NELL2: variants seen among roughly 807,000 people sequenced by gnomAD.
NELL2 encodes neural EGFL like 2, also known as protein kinase C-binding protein NELL2.
A neutral mutation model predicts 109.6 loss-of-function variants in NELL2; 41 were observed. That is an observed-to-expected ratio of 0.37 (90% confidence interval 0.29 to 0.49). The LOEUF (loss-of-function observed/expected upper bound fraction) is 0.49, where lower values mean the gene tolerates loss of function less well. Among genes scored for constraint, NELL2 ranks in the 20% least tolerant of loss-of-function variants. The pLI, the probability that NELL2 is intolerant of heterozygous loss-of-function variation, is 0.98. For missense variants in NELL2, 900 were observed against 1,008.3 expected, an observed-to-expected ratio of 0.89 and a Z score of 1.45; for synonymous variants, 355 against 344.7, an observed-to-expected ratio of 1.03 and a Z score of -0.33.
At position 44,610,892 on chromosome 12, in the gene NELL2, C is replaced by T; in HGVS notation, c.1523G>A (p.Cys508Tyr). The T allele has an allele frequency of 1.2e-6, 2 of 1,613,216 alleles. No individual in the cohort carries two copies. Among genetic ancestry groups the T allele is most frequent in the Non-Finnish European group, 1.7e-6 (2 of 1,179,404 alleles). ...LCFNTVGGHNCVCKPGYTGNG... is the reference protein window; with the variant it reads ...LCFNTVGGHNYVCKPGYTGNG... The stretch of plus-strand genomic sequence containing the variant: ...CCCTGTATAGCCCGGCTTGCAAACA[C>T]AGTTGTGTCCTCCAACAGTGTTGAA... The change falls in exon 14 of 20, where the codon TGT becomes TAT. Residue 508 changes from cysteine (C) to tyrosine (Y), a missense_variant. By Grantham distance (194) the Cys-to-Tyr change is radical. Around this residue, in one of 4 missense-constraint regions of NELL2, gnomAD observed 333 missense variants for 432.3 expected, o/e 0.77. Coordinates refer to ENST00000429094, the MANE Select transcript of NELL2 (RefSeq NM_001145108.2).
chr12:44,900,315 C>T (rs1393652741), intron 1 of NELL2, among the ~76,000 whole-genome samples: 1 of 152,164 alleles, frequency 6.6e-6, no homozygotes, highest in Non-Finnish European at 1.5e-5. Context: ...ATACATTCTT[C>T]TCAGCACCAC....
intron 12 of NELL2, among the ~76,000 whole-genome samples, chr12:44,699,956 C>T (rs1197791747): frequency 1.3e-5 from 2 of 152,072 alleles, no homozygotes; most frequent in Non-Finnish European, 1.5e-5. Context: ...ATTTAGATGC[C>T]AAAGAATTCC....
At chr12:44,643,951 C>T (rs115068647) in intron 13 of NELL2, among the ~76,000 whole-genome samples, 5 of 152,212 alleles carry the variant, frequency 3.3e-5, no homozygotes, top group African/African-American at 9.6e-5. Flanking sequence ...GGAACAATAA[C>T]AATGATTTCA....
chr12:44,902,504 T>G (rs1203750664), intron 1 of NELL2, among the ~76,000 whole-genome samples: 1 of 152,186 alleles, frequency 6.6e-6, no homozygotes. Flanking sequence ...TTCAATGCTA[T>G]TCCCATCAAG....
intron 3 of NELL2, among the ~76,000 whole-genome samples, chr12:44,814,721 C>G (rs1362130062): frequency 6.6e-6 from 1 of 152,164 alleles, no homozygotes; most frequent in Admixed American, 6.5e-5. Flanking sequence ...GGGCCTCAAG[C>G]CCCAAGAGCA....
chr12:44,814,605 T>G (rs1943278733), intron 3 of NELL2, among the ~76,000 whole-genome samples: 1 of 152,094 alleles, frequency 6.6e-6, no homozygotes, highest in Non-Finnish European at 1.5e-5. Flanking sequence ...CAGGTGAGTG[T>G]TAGGATGGCA....
intron 1 of NELL2, among the ~76,000 whole-genome samples, chr12:44,889,242 G>GT (rs2136867574): frequency 6.6e-6 from 1 of 152,134 alleles, no homozygotes; most frequent in East Asian, 1.9e-4. Flanking sequence ...AAACAGCACT[G>GT]TAAGAGAACT....
chr12:44,536,397 G>A (rs971519057), intron 15 of NELL2, among the ~76,000 whole-genome samples: 2 of 151,946 alleles, frequency 1.3e-5, no homozygotes, highest in African/African-American at 4.8e-5. Flanking sequence ...ATAACACAAA[G>A]CAGTAAAAAA....
intron 9 of NELL2, among the ~76,000 whole-genome samples, chr12:44,752,855 C>T (rs528703693): frequency 1.3e-5 from 2 of 152,256 alleles, no homozygotes; most frequent in East Asian, 1.9e-4. Context: ...CACGGTGATG[C>T]CCCGCTCACT....
At chr12:44,876,435 G>C (rs1344910331), upstream of NELL2, 16 of 1,284,940 alleles carry the variant, frequency 1.2e-5, no homozygotes, top group Admixed American at 3.8e-4. Context: ...GCTCAGCGTC[G>C]GTCTCCCGCA....
intron 9 of NELL2, among the ~76,000 whole-genome samples, chr12:44,739,798 G>A (rs1237173326): frequency 1.3e-5 from 2 of 152,132 alleles, no homozygotes; most frequent in Admixed American, 6.5e-5. Context: ...GACTGAGGCA[G>A]GAGAATCCCT....
chr12:44,795,849 A>C (rs1256296672), intron 3 of NELL2, among the ~76,000 whole-genome samples: 1 of 152,172 alleles, frequency 6.6e-6, no homozygotes, highest in East Asian at 1.9e-4. Flanking sequence ...TCACATGTTA[A>C]GGGAGATGGG....
intron 9 of NELL2, among the ~76,000 whole-genome samples, chr12:44,767,328 C>T (rs1941374139): frequency 1.3e-5 from 2 of 152,094 alleles, no homozygotes; most frequent in Non-Finnish European, 2.9e-5. Flanking sequence ...GAACAAAAGC[C>T]CCCCAATGCC....
intron 2 of NELL2, among the ~76,000 whole-genome samples, chr12:44,830,994 G>C (rs1171732057): frequency 6.6e-6 from 1 of 151,786 alleles, no homozygotes; most frequent in Non-Finnish European, 1.5e-5. Flanking sequence ...TCTGTGGGGG[G>C]ACTGGACTTG....
At chr12:44,788,123 G>T (rs77958937) in intron 3 of NELL2, among the ~76,000 whole-genome samples, 1 of 152,042 alleles carries the variant, frequency 6.6e-6, no homozygotes, top group African/African-American at 2.4e-5. Flanking sequence ...AAAAAAGAAC[G>T]TGGGGAGAAT....
At chr12:44,535,844 T>C (rs1176507226) in intron 15 of NELL2, among the ~76,000 whole-genome samples, 1 of 151,884 alleles carries the variant, frequency 6.6e-6, no homozygotes, top group Non-Finnish European at 1.5e-5. Context: ...TATAGGGTAA[T>C]TATTCATCTT....
At chr12:44,701,108 A>T (rs952054233) in intron 12 of NELL2, among the ~76,000 whole-genome samples, 1 of 152,144 alleles carries the variant, frequency 6.6e-6, no homozygotes, top group Non-Finnish European at 1.5e-5. Flanking sequence ...AAAAATGTTT[A>T]AAAAGGTGTT....
intron 9 of NELL2, among the ~76,000 whole-genome samples, chr12:44,717,096 C>T (rs942616971): frequency 7.2e-5 from 11 of 152,048 alleles, no homozygotes; most frequent in African/African-American, 2.7e-4. Flanking sequence ...TGATTTTTAT[C>T]TCATTTCTTT....
At chr12:44,797,241 A>G (rs1942655963) in intron 3 of NELL2, among the ~76,000 whole-genome samples, 1 of 152,094 alleles carries the variant, frequency 6.6e-6, no homozygotes, top group South Asian at 2.1e-4. Context: ...GAAATTAGAG[A>G]AAGACATGGA....
Sources: gnomAD v4.1 joint callset for allele counts (sites outside exome capture counted in the v4.1 genomes callset) on GRCh38, gnomAD v4.1.1 for gene constraint, gnomAD v4.1.1 regional missense constraint, MANE v1.5 for transcripts, NCBI Gene and HGNC (gene_info 2026-07-23, HGNC 2026-07-21) for gene names.